The following GPC5 variants were observed in gnomAD, a reference collection of about 807,000 sequenced individuals.
GPC5 encodes glypican-5.
Under a neutral mutation model 53.9 loss-of-function variants are expected in GPC5, and 47 were observed. That is an observed-to-expected ratio of 0.87 (90% CI 0.69 to 1.11). GPC5 has a LOEUF of 1.11. Ranked by LOEUF, GPC5 falls within the 50% of genes most tolerant of loss-of-function variation. GPC5 has a pLI of 0.00. For missense variants in GPC5, 748 were observed against 713.1 expected (o/e 1.05, Z -0.56); for synonymous variants, 286 against 263.3 (o/e 1.09, Z -0.84).
chr13:91,965,627 C>T (rs963008419), intron 6 of GPC5, among the ~76,000 whole-genome samples: 1 of 152,038 alleles, frequency 6.6e-6, no homozygotes, highest in Non-Finnish European at 1.5e-5. Context: ...TATTAATTCA[C>T]AAGGGTTCAA....
chr13:92,106,084 T>G (rs2041507423), intron 6 of GPC5, among the ~76,000 whole-genome samples: 1 of 152,038 alleles, frequency 6.6e-6, no homozygotes, highest in Non-Finnish European at 1.5e-5. Context: ...ATTATGGAGC[T>G]TTTCAATCCA....
intron 2 of GPC5, among the ~76,000 whole-genome samples, chr13:91,553,863 T>C (rs1316061987): frequency 2.6e-5 from 4 of 152,026 alleles, no homozygotes; most frequent in South Asian, 2.1e-4. Flanking sequence ...AATTAAGGAG[T>C]ATATATTTAA....
intron 7 of GPC5, among the ~76,000 whole-genome samples, chr13:92,375,553 C>T (rs72638674): frequency 0.029 from 4,435 of 152,200 alleles, 133 homozygotes; most frequent in East Asian, 0.11. Context: ...TTTGGTTTCT[C>T]GCTGTATCAA....
chr13:91,942,661 AATATAG>A (rs10543448), intron 6 of GPC5, among the ~76,000 whole-genome samples: 92,157 of 150,834 alleles, frequency 0.61, 28,687 homozygotes, highest in East Asian at 0.74. Flanking sequence ...TTGTGAAAAA[AATATAG>A]ATATAGATAT....
intron 2 of GPC5, among the ~76,000 whole-genome samples, chr13:91,520,088 A>G (rs931871543): frequency 6.6e-6 from 1 of 152,138 alleles, no homozygotes. Flanking sequence ...ATCCAGTCAT[A>G]CTGGAAATAG....
intron 7 of GPC5, among the ~76,000 whole-genome samples, chr13:92,441,547 A>G (rs1192341135): frequency 6.6e-6 from 1 of 152,206 alleles, no homozygotes; most frequent in Non-Finnish European, 1.5e-5. Flanking sequence ...AATAACATTG[A>G]ACCTGAGGGC....
intron 6 of GPC5, among the ~76,000 whole-genome samples, chr13:92,035,496 T>C (rs1364012101): frequency 6.6e-6 from 1 of 152,158 alleles, no homozygotes; most frequent in Non-Finnish European, 1.5e-5. Context: ...TTTCTGTTTG[T>C]GTCAGTTCTC....
chr13:91,632,495 G>C (rs2034183374), intron 2 of GPC5, among the ~76,000 whole-genome samples: 1 of 151,982 alleles, frequency 6.6e-6, no homozygotes, highest in Non-Finnish European at 1.5e-5. Flanking sequence ...AAAACAGGAG[G>C]GTTATATTAG....
chr13:91,827,821 T>A (rs902418435), intron 5 of GPC5, among the ~76,000 whole-genome samples: 1 of 152,052 alleles, frequency 6.6e-6, no homozygotes, highest in Non-Finnish European at 1.5e-5. Flanking sequence ...CTCCTTAACT[T>A]GGCAATATGT....
intron 7 of GPC5, among the ~76,000 whole-genome samples, chr13:92,174,176 T>TA (rs201959493): frequency 1.7e-4 from 26 of 151,958 alleles, no homozygotes; most frequent in African/African-American, 1.2e-4. Context: ...TTTACGTCAT[T>TA]AAAAAAATAT....
intron 6 of GPC5, among the ~76,000 whole-genome samples, chr13:92,025,560 C>G (rs2040794658): frequency 2.0e-5 from 3 of 152,134 alleles, no homozygotes; most frequent in African/African-American, 7.2e-5. Context: ...TGGCTTGCTG[C>G]AGGTCATGTA....
intron 6 of GPC5, among the ~76,000 whole-genome samples, chr13:91,918,883 C>T (rs918467453): frequency 1.3e-4 from 20 of 151,764 alleles, no homozygotes; most frequent in African/African-American, 3.9e-4. Context: ...TCTCATCTTC[C>T]CTCCTTCTCT....
intron 2 of GPC5, among the ~76,000 whole-genome samples, chr13:91,626,259 G>C (rs954770789): frequency 6.6e-6 from 1 of 152,058 alleles, no homozygotes; most frequent in Non-Finnish European, 1.5e-5. Flanking sequence ...TCATATATCA[G>C]CTTGACATAT....
chr13:92,446,163 A>G (rs1877816880), intron 7 of GPC5, among the ~76,000 whole-genome samples: 1 of 151,946 alleles, frequency 6.6e-6, no homozygotes, highest in South Asian at 2.1e-4. Flanking sequence ...ACTTTGTGCT[A>G]TAAAATACTA....
At chr13:92,457,056 G>A (rs1878296191) in intron 7 of GPC5, among the ~76,000 whole-genome samples, 2 of 151,870 alleles carry the variant, frequency 1.3e-5, no homozygotes, top group African/African-American at 4.8e-5. Context: ...TTATGTCCAT[G>A]TGTACTCAAT....
chr13:92,613,703 T>G (rs891921654), intron 7 of GPC5, among the ~76,000 whole-genome samples: 1 of 139,766 alleles, frequency 7.2e-6, no homozygotes, highest in African/African-American at 2.6e-5. Context: ...ATATTATATA[T>G]ATATAAAATC....
chr13:92,364,051 C>G (rs2043589401), intron 7 of GPC5, among the ~76,000 whole-genome samples: 1 of 151,500 alleles, frequency 6.6e-6, no homozygotes, highest in African/African-American at 2.4e-5. Flanking sequence ...TTTTATTAAG[C>G]ATATAAATTG....
intron 5 of GPC5, among the ~76,000 whole-genome samples, chr13:91,769,968 C>T (rs749201482): frequency 3.9e-5 from 6 of 152,242 alleles, no homozygotes; most frequent in South Asian, 2.1e-4. Context: ...CCACAAGATG[C>T]CCCCCACTTT....
intron 3 of GPC5, among the ~76,000 whole-genome samples, chr13:91,719,190 G>A (rs7992469): frequency 0.044 from 6,737 of 152,274 alleles, 490 homozygotes; most frequent in African/African-American, 0.15. Context: ...AAGGTCAATA[G>A]CACGTGTTCT....
Sources: gnomAD v4.1 joint callset for allele counts (sites outside exome capture counted in the v4.1 genomes callset) on GRCh38, gnomAD v4.1.1 for gene constraint, MANE v1.5 for transcripts, NCBI Gene and HGNC (gene_info 2026-07-23, HGNC 2026-07-21) for gene names.